Variants in ZNF236 observed in about 807,000 individuals in gnomAD.
ZNF236 encodes the protein regulated by glucose.
ZNF236 carries 50 observed loss-of-function variants against 191.2 expected under a neutral mutation model. That is an observed-to-expected ratio of 0.26 (90% CI 0.21 to 0.33). The LOEUF is 0.33. Ranked by LOEUF, ZNF236 falls within the 10% of genes least tolerant of loss-of-function variation. The pLI is 1.00. For missense variants in ZNF236, 1,754 were observed against 2,374.5 expected, an observed-to-expected ratio of 0.74 and a Z score of 5.43; for synonymous variants, 907 against 928.8, an observed-to-expected ratio of 0.98 and a Z score of 0.43.
intron 26 of ZNF236, among the ~76,000 whole-genome samples, chr18:76,943,901 G>T (rs1968198239): frequency 6.6e-6 from 1 of 152,258 alleles, no homozygotes; most frequent in African/African-American, 2.4e-5. Flanking sequence ...TTGTGTATAG[G>T]CCGGTAAAAT....
intron 1 of ZNF236, among the ~76,000 whole-genome samples, chr18:76,843,879 A>C (rs1395700730): frequency 6.7e-6 from 1 of 148,176 alleles, no homozygotes; most frequent in African/African-American, 2.5e-5. Flanking sequence ...GGGAGTTTTA[A>C]ATAAAAGTAA....
At chr18:76,886,924 G>A (rs1977074712) in intron 9 of ZNF236, 1 of 202,888 alleles carries the variant, frequency 4.9e-6, no homozygotes, top group Admixed American at 4.3e-5. Flanking sequence ...AGTGCCTCTT[G>A]AGCATTCTTG....
intron 25 of ZNF236, among the ~76,000 whole-genome samples, chr18:76,932,831 C>G (rs74552642): frequency 6.6e-6 from 1 of 152,128 alleles, no homozygotes; most frequent in Admixed American, 6.5e-5. Context: ...TTGCTTGATT[C>G]GAAATTGGGG....
Position 76,913,806 on chromosome 18 carries a change from C to T in ZNF236, c.2969C>T (p.Ser990Leu), listed in dbSNP as rs1054973156. The change falls in exon 18 of 31, where the codon TCG becomes TTG. Residue 990 changes from serine to leucine, a missense_variant. Ser to Leu is a moderately radical substitution (Grantham distance 145, BLOSUM62 -2). Coordinates refer to ENST00000320610, the MANE Select transcript of ZNF236 (RefSeq NM_001306089.2). ...KSSHLKQHVR[S>L]HTGEKPYKCK... ...AGCCACCTGAAGCAGCATGTGCGGT[C>T]GCACACCGGGGAAAAGCCCTACAAG... The T allele has an allele frequency of 4.3e-6, 7 of 1,614,222 alleles. No homozygotes were observed. The highest frequency in any genetic ancestry group is 1.1e-5 in the South Asian group (1 of 91,082).
In ZNF236 at chr18:76,968,231, T is replaced by G; in HGVS notation, c.5436T>G (p.Ser1812=). The G allele has an allele frequency of 6.2e-7, 1 of 1,613,938 alleles. No individual in the cohort carries two copies. The highest frequency in any genetic ancestry group is 8.5e-7 in the Non-Finnish European group (1 of 1,179,916). The part of the protein sequence containing the change: ...AHSYAGALQE[S]AGHPEQDGEE... ...GCATAACAGGAGCTCTGCAGGAGTC[T>G]GCAGGTCACCCGGAGCAGGACGGGG... is the stretch of plus-strand genomic sequence containing the variant. Residue 1812 remains serine, a synonymous_variant, in exon 31 of 31, where the codon TCT becomes TCG. Coordinates refer to ENST00000320610, the MANE Select transcript of ZNF236 (RefSeq NM_001306089.2).
chr18:76,967,446 G>T (rs1968805086), intron 30 of ZNF236, among the ~76,000 whole-genome samples: 1 of 152,102 alleles, frequency 6.6e-6, no homozygotes, highest in Non-Finnish European at 1.5e-5. Flanking sequence ...TGTTGGAGGT[G>T]GTGTGCTCTG....
rs145654884 is a variant in ZNF236 at position 76,894,759 on chromosome 18, T to G, written c.1418-254T>G. Among the ~76,000 whole-genome samples, 1,045 of 152,312 alleles carry G rather than the reference T, an allele frequency of 6.9e-3. 10 individuals carry two copies. The highest frequency in any genetic ancestry group is 0.023 in the African/African-American group (964 of 41,566). ...TGAGAGGGAGCCAGCTGTGTCCTGG[T>G]GCCGCTGGACCTACCGAATCAATCA... On this transcript the variant is annotated intron_variant, in intron 9 of 30. Transcript: ENST00000320610.
At position 76,942,723 on chromosome 18, in the gene ZNF236, C is replaced by T. The variant is rs528789000; in HGVS notation, c.4783-4798C>T. 1.1e-4 allele frequency among the ~76,000 whole-genome samples: 16 copies of T among 149,640 alleles called. No homozygotes were observed. In the South Asian group the frequency reaches 3.4e-3, roughly 32 times the overall value. On this transcript the variant is annotated intron_variant, in intron 26 of 30. Transcript: ENST00000320610. ...TAGAGACGGGGTTTCACCATGTCAGCCAGGATGGTCTTGATCTCCTGACCT... is the reference window on the plus strand; with the variant it reads ...TAGAGACGGGGTTTCACCATGTCAGTCAGGATGGTCTTGATCTCCTGACCT...
intron 27 of ZNF236, among the ~76,000 whole-genome samples, chr18:76,955,596 C>T (rs958041663): frequency 6.6e-5 from 10 of 152,192 alleles, no homozygotes; most frequent in Non-Finnish European, 1.3e-4. Context: ...CTACCAGTAG[C>T]GAGCATTTAG....
intron 20 of ZNF236, among the ~76,000 whole-genome samples, chr18:76,920,541 A>G: frequency 9.9e-6 from 1 of 101,364 alleles, no homozygotes; most frequent in East Asian, 2.9e-4. Context: ...ACAAGAATGA[A>G]ACTCCGTCTC....
In ZNF236 at chr18:76,875,572, A is replaced by C; in HGVS notation, c.748A>C (p.Thr250Pro). 1 of 1,606,826 alleles carries C rather than the reference A, an allele frequency of 6.2e-7. No individual in the cohort carries two copies. Among genetic ancestry groups the C allele is most frequent in the Non-Finnish European group, 8.5e-7 (1 of 1,176,296 alleles). The change falls in exon 6 of 31, where the codon ACA becomes CCA. Residue 250 changes from threonine to proline, a missense_variant. Coordinates refer to ENST00000320610, the MANE Select transcript of ZNF236 (RefSeq NM_001306089.2). This position sits in a 1 kb window ranked among gnomAD's most constrained non-coding sequence, Gnocchi z 4.3. ...ACTGCAGACCCACATGATCAAGCAC[A>C]CAGGTGAAAAACCCCATGCCTGTGC... ...GALQTHMIKHTGEKPHACAFC... is the reference protein window; with the variant it reads ...GALQTHMIKHPGEKPHACAFC...
At chr18:76,964,995 C>A (rs911018066) in intron 30 of ZNF236, among the ~76,000 whole-genome samples, 1 of 152,310 alleles carries the variant, frequency 6.6e-6, no homozygotes, top group African/African-American at 2.4e-5. Context: ...TTTTAGATTT[C>A]TCTTCTTCCT....
At position 76,943,142 on chromosome 18, in the gene ZNF236, A is replaced by AG. The variant is rs1555698918; in HGVS notation, c.4783-4378dup. On this transcript the variant is annotated intron_variant, in intron 26 of 30. Coordinates refer to ENST00000320610, the MANE Select transcript of ZNF236 (RefSeq NM_001306089.2). ...CGTCTCAAAAAAAAAAAAAAAAAAA[A>AG]GAAGAGCAAATTTGAGTTCATAATA... 6.2e-3 allele frequency among the ~76,000 whole-genome samples: 922 copies of AG among 149,728 alleles called. 8 individuals carry two copies. Among genetic ancestry groups the AG allele is most frequent in the African/African-American group, 0.022 (879 of 40,312 alleles).
At chr18:76,894,899 A>G (rs552139) in intron 9 of ZNF236, 114 bp from the exon 10 acceptor site, 508,231 of 1,391,500 alleles carry the variant, frequency 0.37, 94,596 homozygotes, top group East Asian at 0.53. Context: ...GGGAATTCCA[A>G]GCTTTCCCAT....
In ZNF236 at chr18:76,971,212, G is replaced by A. The variant is rs1050631490; in HGVS notation, c.*2873G>A. ...TGCTAGATAATGCCCAAGCGGCTGC[G>A]TTTCCATAGAATGGCAATAGATGAA... On this transcript the variant is annotated 3_prime_UTR_variant, in exon 31 of 31. Coordinates refer to ENST00000320610, the MANE Select transcript of ZNF236 (RefSeq NM_001306089.2). Among the ~76,000 whole-genome samples, 10 of 152,202 alleles carry A rather than the reference G, an allele frequency of 6.6e-5. No homozygotes were observed. Among genetic ancestry groups the A allele is most frequent in the Admixed American group, 2.6e-4 (4 of 15,284 alleles).
chr18:76,909,232 T>C (rs1477129930), intron 14 of ZNF236, among the ~76,000 whole-genome samples: 2 of 151,218 alleles, frequency 1.3e-5, no homozygotes, highest in Admixed American at 1.3e-4. Flanking sequence ...GGAGAATTGC[T>C]TGAACCTGGG....
chr18:76,892,132 C>CTT (rs372766199), intron 9 of ZNF236, among the ~76,000 whole-genome samples: 40 of 58,544 alleles, frequency 6.8e-4, no homozygotes, highest in East Asian at 1.7e-3. Flanking sequence ...ATTAATTTAT[C>CTT]TTTTTTTTTT....
chr18:76,939,964 C>T (rs1308319309), intron 26 of ZNF236, among the ~76,000 whole-genome samples: 1 of 143,400 alleles, frequency 7.0e-6, no homozygotes, highest in Non-Finnish European at 1.5e-5. Flanking sequence ...GTGGGCCACC[C>T]TAGCACTGCA....
intron 1 of ZNF236, chr18:76,834,621 TA>T: frequency 2.2e-6 from 1 of 451,162 alleles, no homozygotes; most frequent in South Asian, 1.9e-5. Flanking sequence ...GTTGTGCCAT[TA>T]TCCTTTTCCC....
Sources: allele counts gnomAD v4.1 joint callset (sites outside exome capture counted in the v4.1 genomes callset), GRCh38; gene constraint gnomAD v4.1.1; non-coding constraint Gnocchi (gnomAD v3.1); transcripts MANE v1.5; gene names NCBI Gene and HGNC (gene_info 2026-07-23, HGNC 2026-07-21).